Variants in EHBP1 observed in about 807,000 individuals in gnomAD.
EHBP1 encodes EH domain-binding protein 1.
In EHBP1, 55 loss-of-function variants were observed where a neutral mutation model predicts 144.0. The ratio of observed to expected loss-of-function variants is 0.38; its 90% CI spans 0.31 to 0.48. The LOEUF (loss-of-function observed/expected upper bound fraction) is 0.48, where lower values mean the gene tolerates loss of function less well. Among genes scored for constraint, EHBP1 ranks in the 20% least tolerant of loss-of-function variants. The probability of loss-of-function intolerance (pLI) is 0.98; values close to 1 mark genes in which losing one functional copy is unlikely to be tolerated. For missense variants in EHBP1, 1,200 were observed against 1,364.2 expected (o/e 0.88, Z 1.90); for synonymous variants, 469 against 472.7 (o/e 0.99, Z 0.10).
At chr2:62,893,418 G>T (rs1001033285) in intron 10 of EHBP1, among the ~76,000 whole-genome samples, 22 of 151,976 alleles carry the variant, frequency 1.4e-4, no homozygotes, top group African/African-American at 5.3e-4. Flanking sequence ...TTTGGCAGTG[G>T]GTTAGTAACA....
At chr2:62,683,077 T>C (rs2033587553) in intron 1 of EHBP1, among the ~76,000 whole-genome samples, 1 of 152,030 alleles carries the variant, frequency 6.6e-6, no homozygotes, top group Non-Finnish European at 1.5e-5. Context: ...TTTATTGGCT[T>C]ATATACTGAA....
chr2:62,855,040 G>T (rs1171273383), intron 7 of EHBP1, among the ~76,000 whole-genome samples: 1 of 152,192 alleles, frequency 6.6e-6, no homozygotes, highest in Non-Finnish European at 1.5e-5. Context: ...GCCTCCCACT[G>T]CAGGGAGCAG....
chr2:62,713,253 C>T (rs1010669668), intron 2 of EHBP1, among the ~76,000 whole-genome samples: 372 of 136,668 alleles, frequency 2.7e-3, no homozygotes, highest in African/African-American at 9.9e-3. Context: ...GTGCTAAACT[C>T]TTTTTTTTTT....
chr2:62,924,181 A>G (rs1164994982), intron 10 of EHBP1, among the ~76,000 whole-genome samples: 3 of 152,206 alleles, frequency 2.0e-5, no homozygotes, highest in Admixed American at 6.5e-5. Context: ...CCCAGGTTCA[A>G]TGAACAGCCC....
chr2:63,028,804 A>G (rs2061101998), intron 19 of EHBP1, among the ~76,000 whole-genome samples: 1 of 152,186 alleles, frequency 6.6e-6, no homozygotes, highest in Admixed American at 6.5e-5. Flanking sequence ...AAGCTATTTC[A>G]TCTACACTGA....
At chr2:63,008,909 A>T (rs2060158646) in intron 19 of EHBP1, among the ~76,000 whole-genome samples, 1 of 151,698 alleles carries the variant, frequency 6.6e-6, no homozygotes, top group Admixed American at 6.6e-5. Flanking sequence ...CAAATTTTGT[A>T]TAAATATGTT....
chr2:62,765,981 AT>A (rs1013502257), intron 4 of EHBP1, among the ~76,000 whole-genome samples: 30 of 152,186 alleles, frequency 2.0e-4, no homozygotes, highest in Non-Finnish European at 8.8e-5. Context: ...TATTAAGTAT[AT>A]TTTTTCCACT....
intron 10 of EHBP1, among the ~76,000 whole-genome samples, chr2:62,880,346 G>GAAAAAAAAAAAAA (rs59916252): frequency 7.5e-6 from 1 of 133,774 alleles, no homozygotes; most frequent in African/African-American, 2.7e-5. Flanking sequence ...TAGCAATTGT[G>GAAAAAAAAAAAAA]AAAAAAAAAA....
At chr2:62,699,588 A>T (rs1380911271) in intron 1 of EHBP1, among the ~76,000 whole-genome samples, 1 of 152,176 alleles carries the variant, frequency 6.6e-6, no homozygotes, top group Non-Finnish European at 1.5e-5. Flanking sequence ...GATGCTATAG[A>T]CCAGCAAGGG....
At position 63,045,007 on chromosome 2, in the gene EHBP1, C is replaced by CG; in HGVS notation, c.3278-53dup. 1.6e-6 allele frequency: 2 copies of CG among 1,226,680 alleles called. No individual in the cohort carries two copies. Among genetic ancestry groups the CG allele is most frequent in the East Asian group, 2.9e-5 (1 of 34,388 alleles). 76.0% of individuals were successfully genotyped at this position (1,226,680 alleles called of 1,614,324 possible). A position where few individuals can be genotyped will look rare whatever the true frequency, so the allele number is the denominator to read the frequency against. On this transcript the variant is annotated intron_variant, in intron 21 of 22. Coordinates refer to ENST00000431489, the MANE Select transcript of EHBP1 (RefSeq NM_001142616.3). The surrounding 1 kb of genome is among the most constrained non-coding windows in gnomAD (Gnocchi z 5.7). The stretch of plus-strand genomic sequence containing the variant: ...ACTGGAAAAGGCGGGAAGGGGAGGG[C>CG]GGGGGGCCGGGTGTTCGGAGGCCCT...
At chr2:62,943,579 G>T (rs2056899700) in intron 11 of EHBP1, among the ~76,000 whole-genome samples, 1 of 152,092 alleles carries the variant, frequency 6.6e-6, no homozygotes, top group Non-Finnish European at 1.5e-5. Flanking sequence ...CTCTCTTTTA[G>T]ATGGAAAGCT....
chr2:62,688,320 T>C (rs1006875266), intron 1 of EHBP1, among the ~76,000 whole-genome samples: 3 of 152,220 alleles, frequency 2.0e-5, no homozygotes, highest in African/African-American at 7.2e-5. Flanking sequence ...GTATCTTCTA[T>C]GTGTTGGACA....
At chr2:62,798,976 C>T (rs2043767575) in intron 5 of EHBP1, among the ~76,000 whole-genome samples, 3 of 138,094 alleles carry the variant, frequency 2.2e-5, no homozygotes, top group South Asian at 2.3e-4. Context: ...TGCACGCCAG[C>T]CTGGGTGACA....
chr2:62,695,665 A>G (rs551936091), intron 1 of EHBP1, among the ~76,000 whole-genome samples: 2 of 152,356 alleles, frequency 1.3e-5, no homozygotes, highest in African/African-American at 4.8e-5. Flanking sequence ...ATGATGGCTT[A>G]TACAATATCT....
intron 21 of EHBP1, among the ~76,000 whole-genome samples, chr2:63,043,689 C>T (rs972978674): frequency 6.0e-5 from 9 of 151,142 alleles, no homozygotes; most frequent in African/African-American, 1.9e-4. Context: ...TGGAGGGGGT[C>T]GGGGGGGATT....
chr2:63,017,015 G>T (rs2060512718), intron 19 of EHBP1, among the ~76,000 whole-genome samples: 1 of 152,184 alleles, frequency 6.6e-6, no homozygotes, highest in Non-Finnish European at 1.5e-5. Context: ...CTTATCCCTT[G>T]CAGCAGTGAG....
At chr2:62,872,103 G>T (rs1022187141) in intron 9 of EHBP1, 5 of 152,052 alleles carry the variant, frequency 3.3e-5, no homozygotes, top group Non-Finnish European at 7.4e-5. Context: ...CAAGGTGAGA[G>T]GAAGAGACTA....
chr2:62,768,042 C>G (rs1255967005), intron 4 of EHBP1, among the ~76,000 whole-genome samples: 8 of 151,892 alleles, frequency 5.3e-5, no homozygotes, highest in Non-Finnish European at 1.0e-4. Context: ...GAGGGAAATT[C>G]AAAGCACTAA....
In EHBP1 at chr2:62,882,228, A is replaced by T. The variant is rs549932388; in HGVS notation, c.1185+7696A>T. On this transcript the variant is annotated intron_variant, in intron 10 of 22. Coordinates refer to ENST00000431489, the MANE Select transcript of EHBP1 (RefSeq NM_001142616.3). ...TCCTCATTCAGCCATTCCATAAGTC[A>T]ATCTCCAAGTGTTTGTTTTTATATC... Among the ~76,000 whole-genome samples the T allele has an allele frequency of 1.3e-4, 20 of 152,310 alleles. No individual in the cohort carries two copies. In the South Asian group the frequency reaches 4.1e-3, roughly 32 times the overall value.
Sources: gnomAD v4.1 joint callset for allele counts (sites outside exome capture counted in the v4.1 genomes callset) on GRCh38, gnomAD v4.1.1 for gene constraint, Gnocchi (gnomAD v3.1) non-coding constraint, MANE v1.5 for transcripts, NCBI Gene and HGNC (gene_info 2026-07-23, HGNC 2026-07-21) for gene names.